The following TMEM131 variants were observed in gnomAD, a reference collection of about 807,000 sequenced individuals.
TMEM131 encodes transmembrane protein 131.
TMEM131 carries 66 observed loss-of-function variants against 211.6 expected under a neutral mutation model. That is an observed-to-expected ratio of 0.31 (90% CI 0.26 to 0.38). TMEM131 has a LOEUF of 0.38. TMEM131 is among the 10% of genes least tolerant of loss of function. The probability of loss-of-function intolerance (pLI) is 1.00; values close to 1 mark genes in which losing one functional copy is unlikely to be tolerated. For missense variants in TMEM131, 2,036 were observed against 2,299.3 expected (o/e 0.89, Z 2.34); for synonymous variants, 844 against 841.3 (o/e 1.00, Z -0.06).
chr2:97,988,521 A>T (rs1680126591), intron 1 of TMEM131, among the ~76,000 whole-genome samples: 1 of 152,216 alleles, frequency 6.6e-6, no homozygotes, highest in African/African-American at 2.4e-5. Flanking sequence ...CATAGTTGCA[A>T]ATCATCTGAT....
intron 1 of TMEM131, among the ~76,000 whole-genome samples, chr2:97,955,166 G>A (rs934270822): frequency 1.3e-5 from 2 of 151,472 alleles, no homozygotes; most frequent in African/African-American, 4.9e-5. Flanking sequence ...ATGCAAGACT[G>A]AATCAACATT....
intron 25 of TMEM131, among the ~76,000 whole-genome samples, chr2:97,801,432 C>T (rs150868402): frequency 1.0e-3 from 157 of 152,326 alleles, no homozygotes; most frequent in Non-Finnish European, 1.6e-3. Flanking sequence ...AAAAGATTAT[C>T]CATTGAGTGA....
rs559579939 is a variant in TMEM131, at chr2:97,923,372, T to C, written c.249+4054A>G. 2.0e-5 allele frequency among the ~76,000 whole-genome samples: 3 copies of C among 152,070 alleles called. No individual in the cohort carries two copies. The South Asian group carries it at 6.2e-4, about 32-fold the overall frequency. On this transcript the variant is annotated intron_variant, in intron 2 of 40. Coordinates refer to ENST00000186436, the MANE Select transcript of TMEM131 (RefSeq NM_015348.2). ...GCATAGTGGCTCAGGTCTATAATCCTAGCATTTTGGGAGGCTGAGATGGGA... is the reference window on the plus strand; with the variant it reads ...GCATAGTGGCTCAGGTCTATAATCCCAGCATTTTGGGAGGCTGAGATGGGA...
chr2:97,788,927 A>G (rs374946755), intron 31 of TMEM131, among the ~76,000 whole-genome samples: 10 of 152,276 alleles, frequency 6.6e-5, no homozygotes, highest in East Asian at 5.8e-4. Flanking sequence ...GTAACTCTCT[A>G]TATTTTTTAA....
At chr2:97,761,974 T>G in intron 36 of TMEM131, 61 bp downstream of exon 36, 6 of 1,476,962 alleles carry the variant, frequency 4.1e-6, no homozygotes, top group Non-Finnish European at 5.4e-6. Context: ...ATTTAAAGGG[T>G]GTGACATCGG....
At chr2:97,877,618 T>C (rs1345103368) in intron 4 of TMEM131, among the ~76,000 whole-genome samples, 1 of 152,204 alleles carries the variant, frequency 6.6e-6, no homozygotes, top group Non-Finnish European at 1.5e-5. Context: ...AGATTCCCTA[T>C]TTAATAAATG....
At position 97,795,026 on chromosome 2, in the gene TMEM131, G is replaced by A. The variant is rs943772339; in HGVS notation, c.3290C>T (p.Ala1097Val). 2 of 1,613,584 alleles carry A rather than the reference G, an allele frequency of 1.2e-6. No homozygotes were observed. The highest frequency in any genetic ancestry group is 1.7e-6 in the Non-Finnish European group (2 of 1,179,528). Residue 1097 changes from alanine to valine, a missense_variant, in exon 29 of 41, where the codon GCA (alanine) becomes GTA (valine). Ala to Val is a moderately conservative substitution (Grantham distance 64). Around this residue, in one of 3 missense-constraint regions of TMEM131, gnomAD observed 1,623 missense variants for 1,805.9 expected, o/e 0.90. Transcript: ENST00000186436. The part of the protein sequence containing the change: ...SGSEFVFILN[A>V]SLPYHMLATC... ...TGCTAACATATGGTAAGGAAGGGAT[G>A]CATTCAATATAAATACAAACTCAGA... is the stretch of plus-strand genomic sequence containing the variant.
At chr2:97,800,571 GA>G (rs780404831) in intron 25 of TMEM131, among the ~76,000 whole-genome samples, 215 of 142,842 alleles carry the variant, frequency 1.5e-3, no homozygotes, top group Non-Finnish European at 2.5e-3. Context: ...CCAACATGGT[GA>G]AACCCCGGCT....
chr2:97,821,322 A>G (rs926076820), intron 11 of TMEM131, among the ~76,000 whole-genome samples: 2 of 152,200 alleles, frequency 1.3e-5, no homozygotes, highest in Non-Finnish European at 2.9e-5. Context: ...AAATGCATCA[A>G]TCGGCATTCT....
intron 1 of TMEM131, among the ~76,000 whole-genome samples, chr2:97,933,574 C>T (rs1221814115): frequency 1.3e-5 from 2 of 151,856 alleles, no homozygotes; most frequent in African/African-American, 4.8e-5. Flanking sequence ...CTGAATTGTA[C>T]ACTTAAAATA....
intron 1 of TMEM131, among the ~76,000 whole-genome samples, chr2:97,993,533 T>C (rs1362674791): frequency 6.6e-6 from 1 of 152,232 alleles, no homozygotes; most frequent in Non-Finnish European, 1.5e-5. Context: ...GATCTGTTTA[T>C]GATGGGTAGA....
At chr2:97,953,590 T>C (rs528410751) in intron 1 of TMEM131, among the ~76,000 whole-genome samples, 4 of 152,278 alleles carry the variant, frequency 2.6e-5, no homozygotes, top group South Asian at 2.1e-4. Context: ...CACTTCACTG[T>C]CAGCAACTGG....
chr2:97,932,125 GAACAAGACC>G, intron 1 of TMEM131, among the ~76,000 whole-genome samples: 1 of 133,854 alleles, frequency 7.5e-6, no homozygotes, highest in South Asian at 2.3e-4. Flanking sequence ...TTGGGTGACA[GAACAAGACC>G]CTGTCTTAAA....
chr2:97,990,428 T>G (rs1680212823), intron 1 of TMEM131, among the ~76,000 whole-genome samples: 1 of 152,158 alleles, frequency 6.6e-6, no homozygotes, highest in South Asian at 2.1e-4. Flanking sequence ...ATTCCTGAAG[T>G]GCTCATTTGG....
chr2:97,876,087 A>T (rs1258264896), intron 4 of TMEM131, among the ~76,000 whole-genome samples: 1 of 152,250 alleles, frequency 6.6e-6, no homozygotes, highest in Non-Finnish European at 1.5e-5. Flanking sequence ...ACCTCTATGC[A>T]AATAAACTAC....
intron 5 of TMEM131, among the ~76,000 whole-genome samples, chr2:97,850,726 G>C (rs1206371572): frequency 6.6e-6 from 1 of 151,944 alleles, no homozygotes; most frequent in East Asian, 1.9e-4. Context: ...AATCTAAAAT[G>C]TTCTCTAAAA....
intron 1 of TMEM131, among the ~76,000 whole-genome samples, chr2:97,968,197 T>C (rs778907905): frequency 6.6e-6 from 1 of 152,084 alleles, no homozygotes; most frequent in Admixed American, 6.5e-5. Flanking sequence ...ACCTACTGAA[T>C]AAAAATTAAC....
At chr2:97,850,350 A>G (rs1355788283) in intron 5 of TMEM131, among the ~76,000 whole-genome samples, 1 of 152,190 alleles carries the variant, frequency 6.6e-6, no homozygotes, top group Non-Finnish European at 1.5e-5. Context: ...AGGAAGGGAG[A>G]AAAACTAACT....
chr2:97,802,549 T>C lies in TMEM131; in HGVS notation c.2542-12A>G. On this transcript the variant is annotated splice_polypyrimidine_tract_variant and intron_variant, in intron 23 of 40. Transcript: ENST00000186436. ...GTAATCTCTTCTTCCTTAAACAAAA[T>C]AATGAAACATTAAATGAAAGATTTC... 1 of 1,603,932 alleles carries C rather than the reference T, an allele frequency of 6.2e-7. No individual in the cohort carries two copies. Among genetic ancestry groups the C allele is most frequent in the Middle Eastern group, 1.7e-4 (1 of 6,002 alleles).
Sources: allele counts gnomAD v4.1 joint callset (sites outside exome capture counted in the v4.1 genomes callset), GRCh38; gene constraint gnomAD v4.1.1; regional missense constraint gnomAD v4.1.1; transcripts MANE v1.5; gene names NCBI Gene and HGNC (gene_info 2026-07-23, HGNC 2026-07-21).